Variants in PDE4D observed in about 807,000 individuals in gnomAD.
PDE4D encodes 3',5'-cyclic-AMP phosphodiesterase 4D.
A neutral mutation model predicts 87.4 loss-of-function variants in PDE4D; 24 were observed. The observed-to-expected ratio is 0.27, with a 90% CI of 0.20 to 0.39. The LOEUF (loss-of-function observed/expected upper bound fraction) is 0.39. Ranked by LOEUF, PDE4D falls within the 10% of genes least tolerant of loss-of-function variation. PDE4D has a pLI of 1.00. For synonymous variants in PDE4D, 384 were observed against 383.2 expected (o/e 1.00, Z -0.02); for missense variants, 714 against 1,041.0 (o/e 0.69, Z 4.32).
intron 3 of PDE4D, among the ~76,000 whole-genome samples, chr5:59,951,991 A>T (rs1389314159): frequency 1.3e-5 from 2 of 152,048 alleles, no homozygotes; most frequent in African/African-American, 2.4e-5. Context: ...CCCAAATCTC[A>T]TCTTAAATTA....
In PDE4D at chr5:60,051,016, C is replaced by T. The variant is rs114249446; in HGVS notation, c.43-62299G>A. On this transcript the variant is annotated intron_variant, in intron 2 of 16. Coordinates refer to the PDE4D transcript ENST00000502484. Reference sequence around the variant, plus strand: ...ATCCTAAATATATTTGTACCCAATACAGGAGTACTCAGATTCATAAAGCAA... The same window carrying T: ...ATCCTAAATATATTTGTACCCAATATAGGAGTACTCAGATTCATAAAGCAA... Among the ~76,000 whole-genome samples the T allele has an allele frequency of 7.4e-3, 1,131 of 152,274 alleles. 25 individuals are homozygous for T. The highest frequency in any genetic ancestry group is 0.045 in the East Asian group (235 of 5,188).
intron 5 of PDE4D, among the ~76,000 whole-genome samples, chr5:59,099,737 A>G (rs1305500503): frequency 6.6e-6 from 1 of 152,184 alleles, no homozygotes; most frequent in African/African-American, 2.4e-5. Flanking sequence ...AACATCCACT[A>G]TTATACAAAG....
chr5:60,514,100 C>T (rs966689729), intron 1 of PDE4D, among the ~76,000 whole-genome samples: 11 of 151,704 alleles, frequency 7.3e-5, no homozygotes, highest in African/African-American at 2.7e-4. Context: ...GTGAGACTGA[C>T]TGATAAAGGA....
intron 1 of PDE4D, among the ~76,000 whole-genome samples, chr5:59,760,132 TAAC>T (rs1442960440): frequency 6.6e-6 from 1 of 152,176 alleles, no homozygotes; most frequent in Admixed American, 6.6e-5. Context: ...ATATTTCTCT[TAAC>T]AACCATAAAA....
At chr5:59,918,715 T>C (rs1754342387) in intron 3 of PDE4D, among the ~76,000 whole-genome samples, 2 of 152,114 alleles carry the variant, frequency 1.3e-5, no homozygotes, top group Non-Finnish European at 2.9e-5. Context: ...CTGATATAAG[T>C]AACAGCCACC....
intron 1 of PDE4D, among the ~76,000 whole-genome samples, chr5:59,327,196 CAA>C (rs200886052): frequency 3.6e-4 from 48 of 132,016 alleles, no homozygotes; most frequent in Admixed American, 7.4e-5. Flanking sequence ...AATGAAATAC[CAA>C]AAAAAAAAAA....
intron 1 of PDE4D, among the ~76,000 whole-genome samples, chr5:59,705,385 A>T (rs563238532): frequency 1.3e-5 from 2 of 152,262 alleles, no homozygotes; most frequent in Non-Finnish European, 2.9e-5. Context: ...CAGGAAGGCA[A>T]TTGTAAAGAT....
intron 1 of PDE4D, among the ~76,000 whole-genome samples, chr5:60,253,044 A>G (rs1748647864): frequency 1.3e-5 from 2 of 151,878 alleles, no homozygotes; most frequent in Admixed American, 1.3e-4. Flanking sequence ...TTTACCAGCA[A>G]CGGTCACTAT....
chr5:59,496,628 G>A (rs1328812744), intron 1 of PDE4D, among the ~76,000 whole-genome samples: 1 of 152,166 alleles, frequency 6.6e-6, no homozygotes, highest in Non-Finnish European at 1.5e-5. Context: ...CCCTAAGGGA[G>A]GGGGATGTAG....
intron 1 of PDE4D, among the ~76,000 whole-genome samples, chr5:59,292,767 C>A (rs1768283925): frequency 1.3e-5 from 2 of 152,024 alleles, no homozygotes; most frequent in Non-Finnish European, 2.9e-5. Context: ...GGTTTCATAG[C>A]CCCATGAGAC....
At chr5:59,078,432 A>G (rs1007166264) in intron 5 of PDE4D, among the ~76,000 whole-genome samples, 1 of 152,006 alleles carries the variant, frequency 6.6e-6, no homozygotes, top group African/African-American at 2.4e-5. Context: ...AGATACTGCT[A>G]TGGTTTGAAT....
At chr5:60,047,222 A>T (rs1282048804) in intron 2 of PDE4D, among the ~76,000 whole-genome samples, 1 of 152,002 alleles carries the variant, frequency 6.6e-6, no homozygotes, top group African/African-American at 2.4e-5. Context: ...TATCCCCTTT[A>T]TCATTTTTTA....
chr5:60,045,497 T>A (rs1223961284), intron 2 of PDE4D, among the ~76,000 whole-genome samples: 1 of 152,176 alleles, frequency 6.6e-6, no homozygotes, highest in Non-Finnish European at 1.5e-5. Context: ...TGGTTTTAGG[T>A]CTAACATTTA....
chr5:60,011,574 C>T (rs180720720), intron 2 of PDE4D, among the ~76,000 whole-genome samples: 149 of 152,210 alleles, frequency 9.8e-4, no homozygotes, highest in Non-Finnish European at 1.6e-3. Context: ...TTATTAAGCC[C>T]TGTCTTTTCT....
At chr5:59,377,694 C>T (rs1784965155) in intron 1 of PDE4D, among the ~76,000 whole-genome samples, 1 of 152,124 alleles carries the variant, frequency 6.6e-6, no homozygotes, top group Admixed American at 6.5e-5. Context: ...AAAAGACATA[C>T]ATGCAGCCAA....
At chr5:60,327,695 T>C (rs1756928470) in intron 1 of PDE4D, among the ~76,000 whole-genome samples, 1 of 152,166 alleles carries the variant, frequency 6.6e-6, no homozygotes, top group African/African-American at 2.4e-5. Flanking sequence ...ATAGTCCAAA[T>C]GGAAAACAGT....
At chr5:59,080,817 A>G (rs891677186) in intron 5 of PDE4D, among the ~76,000 whole-genome samples, 1 of 152,224 alleles carries the variant, frequency 6.6e-6, no homozygotes, top group Non-Finnish European at 1.5e-5. Flanking sequence ...CTTATAGACC[A>G]TGAAACATGT....
chr5:59,808,476 G>A (rs1767983498), intron 1 of PDE4D, among the ~76,000 whole-genome samples: 1 of 152,046 alleles, frequency 6.6e-6, no homozygotes, highest in Admixed American at 6.5e-5. Flanking sequence ...TATTTGTTTG[G>A]GCAAAGCCTG....
In PDE4D at chr5:59,362,460, T is replaced by C. The variant is rs186845602; in HGVS notation, c.456-146492A>G. ...GGTTAATCATATGAAGAAATGTTAA[T>C]GTTTTATTTGCAGCATTAAAACCCT... On this transcript the variant is annotated intron_variant, in intron 1 of 14. Transcript: ENST00000340635. 4.7e-3 allele frequency among the ~76,000 whole-genome samples: 718 copies of C among 152,278 alleles called. 6 individuals carry two copies. The highest frequency in any genetic ancestry group is 0.026 in the South Asian group (127 of 4,830).
Sources: gnomAD v4.1 joint callset for allele counts (sites outside exome capture counted in the v4.1 genomes callset) on GRCh38, gnomAD v4.1.1 for gene constraint, MANE v1.5 for transcripts, NCBI Gene and HGNC (gene_info 2026-07-23, HGNC 2026-07-21) for gene names.